The following SHISA7 variants were observed in gnomAD, a reference collection of about 807,000 sequenced individuals.
SHISA7 encodes the protein protein shisa-7.
In SHISA7, 6 loss-of-function variants were observed where a neutral mutation model predicts 23.9. The ratio of observed to expected loss-of-function variants is 0.25; its 90% confidence interval spans 0.14 to 0.50. The LOEUF (loss-of-function observed/expected upper bound fraction) is 0.50. SHISA7 is among the 20% of genes least tolerant of loss of function. The pLI is 0.98. For missense variants in SHISA7, 671 were observed against 801.1 expected (o/e 0.84, Z 1.96); for synonymous variants, 386 against 398.3 (o/e 0.97, Z 0.37).
chr19:55,442,352 C>G lies in SHISA7; in HGVS notation c.512G>C (p.Gly171Ala). 1 of 1,445,208 alleles carries G rather than the reference C, an allele frequency of 6.9e-7. No homozygotes were observed. Among genetic ancestry groups the G allele is most frequent in the South Asian group, 1.4e-5 (1 of 73,394 alleles). 89.5% of individuals were successfully genotyped at this position (1,445,208 alleles called of 1,614,324 possible). Residue 171 changes from glycine to alanine, a missense_variant, in exon 1 of 4, where the codon GGG (glycine) becomes GCG (alanine). Around this residue, in one of 5 missense-constraint regions of SHISA7, gnomAD observed 59 missense variants for 57.2 expected, o/e 1.03. Coordinates refer to ENST00000376325, the MANE Select transcript of SHISA7 (RefSeq NM_001145176.2). The part of the protein sequence containing the change: ...QAGWLEGGRT[G>A]GAGGRGGEGP... ...CTCGCCCCCGCGGCCCCCGGCACCC[C>G]CAGTCCGGCCCCCTTCCAACCACCC...
At chr19:55,435,081 G>GTA (rs1985398063) in intron 3 of SHISA7, among the ~76,000 whole-genome samples, 1 of 26,038 alleles carries the variant, frequency 3.8e-5, no homozygotes, top group East Asian at 0.013. Context: ...GGTGTGTGTG[G>GTA]TGTGTGTGGT....
chr19:55,433,831 TCCCCTGC>T lies in SHISA7; in HGVS notation c.977-42_977-36del. On this transcript the variant is annotated intron_variant, in intron 3 of 3. Transcript: ENST00000376325. This position sits in a 1 kb window ranked among gnomAD's most constrained non-coding sequence, Gnocchi z 8.4. ...GAGGGGGAAAAGCCACAGCCGTGGG[TCCCCTGC>T]GCATCTAGAGCCCTCCCCCTCCCAC... 7.3e-7 allele frequency: 1 copy of T among 1,365,910 alleles called. No homozygotes were observed. The highest frequency in any genetic ancestry group is 9.4e-7 in the Non-Finnish European group (1 of 1,066,922). 84.6% of individuals were successfully genotyped at this position (1,365,910 alleles called of 1,614,324 possible).
rs546514068 is a variant in SHISA7, at chr19:55,433,910, T to C, written c.977-114A>G. On this transcript the variant is annotated intron_variant, in intron 3 of 3. Transcript: ENST00000376325. This position sits in a 1 kb window ranked among gnomAD's most constrained non-coding sequence, Gnocchi z 8.4. ...GCTCCTTGTGCCCCCACAAGGATCC[T>C]GGGCATCAGGCTAGCTGTGAGGCCA... The C allele has an allele frequency of 3.3e-5, 41 of 1,225,480 alleles. No individual in the cohort carries two copies. In the East Asian group the frequency reaches 6.4e-4, roughly 19 times the overall value. 75.9% of individuals were successfully genotyped at this position (1,225,480 alleles called of 1,614,324 possible).
At chr19:55,440,538 T>C (rs1985573609) in intron 2 of SHISA7, 73 bp downstream of exon 2, 5 of 1,231,368 alleles carry the variant, frequency 4.1e-6, no homozygotes, top group Non-Finnish European at 5.1e-6. Flanking sequence ...GGAGCCGCCA[T>C]GGAGGGCGGG....
rs113651028 is a variant in SHISA7 at position 55,435,358 on chromosome 19, G to A, written c.977-1562C>T. On this transcript the variant is annotated intron_variant, in intron 3 of 3. Coordinates refer to ENST00000376325, the MANE Select transcript of SHISA7 (RefSeq NM_001145176.2). ...TGTGTGTGTATGGTGTGTATGGTGT[G>A]TGTGTGGTGTGTGTGTGGTGTATAT... Among the ~76,000 whole-genome samples the A allele has an allele frequency of 3.8e-3, 439 of 116,882 alleles. 3 individuals carry two copies. The highest frequency in any genetic ancestry group is 0.013 in the African/African-American group (397 of 30,958). The allele number at this position is 116,882 out of a possible 152,430, so 76.7% of individuals were successfully genotyped here. A position where few individuals can be genotyped will look rare whatever the true frequency, so the allele number is the denominator to read the frequency against.
In SHISA7 at chr19:55,432,456, C is replaced by T. The variant is rs1985230288; in HGVS notation, c.*700G>A. 1 of 152,542 alleles carries T rather than the reference C, an allele frequency of 6.6e-6. No individual in the cohort carries two copies. The highest frequency in any genetic ancestry group is 2.1e-4 in the South Asian group (1 of 4,822). 9.4% of individuals were successfully genotyped at this position (152,542 alleles called of 1,614,324 possible). A position where few individuals can be genotyped will look rare whatever the true frequency, so the allele number is the denominator to read the frequency against. ...AAGGCACCTTCTCTGGTGATGGCAT[C>T]ACAGGAAGGAGGCAGGGTCCCTGTG... On this transcript the variant is annotated 3_prime_UTR_variant, in exon 4 of 4. Transcript: ENST00000376325. The surrounding 1 kb of genome is among the most constrained non-coding windows in gnomAD (Gnocchi z 4.6).
In SHISA7 at chr19:55,443,192, T is replaced by C. The variant is rs1258220888; in HGVS notation, c.-329A>G. Among the ~76,000 whole-genome samples, 3 of 150,108 alleles carry C rather than the reference T, an allele frequency of 2.0e-5. No homozygotes were observed. Among genetic ancestry groups the C allele is most frequent in the Non-Finnish European group, 4.4e-5 (3 of 67,518 alleles). On this transcript the variant is annotated 5_prime_UTR_variant, in exon 1 of 4. Coordinates refer to ENST00000376325, the MANE Select transcript of SHISA7 (RefSeq NM_001145176.2). The stretch of plus-strand genomic sequence containing the variant: ...GACAGAACCGGGATCAGGCGAGAGA[T>C]GAATGCGGGAGAAGCGATTGGGAGG...
chr19:55,435,378 G>A (rs1195537771), intron 3 of SHISA7, among the ~76,000 whole-genome samples: 1 of 121,622 alleles, frequency 8.2e-6, no homozygotes. Flanking sequence ...TGTGTGTGGT[G>A]TATATGTGGT....
rs1985248419 is a variant in SHISA7 at position 55,433,085 on chromosome 19, G to C, written c.*71C>G. 4.1e-6 allele frequency: 6 copies of C among 1,451,574 alleles called. No individual in the cohort carries two copies. The highest frequency in any genetic ancestry group is 4.1e-5 in the South Asian group (3 of 73,146). The allele number at this position is 1,451,574 out of a possible 1,614,324, so 89.9% of individuals were successfully genotyped here. A position where few individuals can be genotyped will look rare whatever the true frequency, so the allele number is the denominator to read the frequency against. ...GGCCCCAGGCCCCTGGCATGTGTGC[G>C]CCTGTGTCGGGGGATCCAGGCTGGG... On this transcript the variant is annotated 3_prime_UTR_variant, in exon 4 of 4. Coordinates refer to ENST00000376325, the MANE Select transcript of SHISA7 (RefSeq NM_001145176.2). The surrounding 1 kb of genome is among the most constrained non-coding windows in gnomAD (Gnocchi z 8.4).
At position 55,428,944 on chromosome 19, in the gene SHISA7, C is replaced by G. The variant is rs922818354; in HGVS notation, c.*4212G>C. ...TGTGAAGTGCCCCCTCCCATGCTCCCCCAACCAGACGGGGAGATGCCTGTG... is the reference window on the plus strand; with the variant it reads ...TGTGAAGTGCCCCCTCCCATGCTCCGCCAACCAGACGGGGAGATGCCTGTG... On this transcript the variant is annotated 3_prime_UTR_variant, in exon 4 of 4. Transcript: ENST00000376325. The G allele has an allele frequency of 1.3e-5, 2 of 152,334 alleles. No individual in the cohort carries two copies. The highest frequency in any genetic ancestry group is 4.8e-5 in the African/African-American group (2 of 41,404). The allele number at this position is 152,334 out of a possible 1,614,324, so 9.4% of individuals were successfully genotyped here. A position where few individuals can be genotyped will look rare whatever the true frequency, so the allele number is the denominator to read the frequency against.
At chr19:55,434,681 T>G (rs1476030270) in intron 3 of SHISA7, among the ~76,000 whole-genome samples, 5 of 103,974 alleles carry the variant, frequency 4.8e-5, no homozygotes, top group South Asian at 3.3e-4. Flanking sequence ...TGGTGTGTGG[T>G]GTGTGTGTAT....
intron 1 of SHISA7, 104 bp from the exon 2 acceptor site, chr19:55,440,869 A>C: frequency 9.0e-7 from 1 of 1,116,728 alleles, no homozygotes; most frequent in Non-Finnish European, 1.1e-6. Flanking sequence ...GTAATCTGTC[A>C]CTCAGCCTGC....
rs139997672 is a variant in SHISA7, at chr19:55,430,914, C to T, written c.*2242G>A. ...GATGACACCAGGGTTATGGTGGATC[C>T]TAGTGGATGGTGACAGCACTGGACC... is the stretch of plus-strand genomic sequence containing the variant. On this transcript the variant is annotated 3_prime_UTR_variant, in exon 4 of 4. Transcript: ENST00000376325. 1.0e-3 allele frequency: 149 copies of T among 149,628 alleles called. No individual in the cohort carries two copies. The highest frequency in any genetic ancestry group is 3.5e-3 in the African/African-American group (140 of 40,276). 9.3% of individuals were successfully genotyped at this position (149,628 alleles called of 1,614,324 possible).
At position 55,433,721 on chromosome 19, in the gene SHISA7, G is replaced by T; in HGVS notation, c.1052C>A (p.Ala351Glu). The change falls in exon 4 of 4, where the codon GCG (alanine) becomes GAG (glutamate). Residue 351 changes from alanine (A) to glutamate (E), a missense_variant. Transcript: ENST00000376325. The surrounding 1 kb of genome is among the most constrained non-coding windows in gnomAD (Gnocchi z 8.4). ...ELPRGTLPLH[A>E]LRRPGTGGGY... ...GCCCCCCGTGCCCGGCCGCCGCAGC[G>T]CGTGCAGGGGCAGCGTGCCGCGGGG... The T allele has an allele frequency of 3.4e-6, 5 of 1,472,996 alleles. No individual in the cohort carries two copies. The highest frequency in any genetic ancestry group is 4.5e-6 in the Non-Finnish European group (5 of 1,120,188). The allele number at this position is 1,472,996 out of a possible 1,614,324, so 91.2% of individuals were successfully genotyped here.
At chr19:55,442,081 G>A (rs1005155459) in intron 1 of SHISA7, 112 bp downstream of exon 1, 15 of 1,120,306 alleles carry the variant, frequency 1.3e-5, no homozygotes, top group Non-Finnish European at 1.8e-5. Flanking sequence ...CCGCCACCTG[G>A]GTCTCTGACC....
chr19:55,438,549 C>A lies in SHISA7; in HGVS notation c.827-795G>T, dbSNP rs762130208. 4 of 1,304,252 alleles carry A rather than the reference C, an allele frequency of 3.1e-6. No individual in the cohort carries two copies. In the South Asian group the frequency reaches 4.9e-5, roughly 16 times the overall value. The allele number at this position is 1,304,252 out of a possible 1,614,324, so 80.8% of individuals were successfully genotyped here. On this transcript the variant is annotated intron_variant, in intron 2 of 3. Transcript: ENST00000376325. ...GGCCTGCTCTTTTCCGCAGCCGGGC[C>A]CTCTTCCGCACCCAGTGTGGCGGCG...
At position 55,443,242 on chromosome 19, in the gene SHISA7, C is replaced by T. The variant is rs1985637059; in HGVS notation, c.-379G>A. On this transcript the variant is annotated 5_prime_UTR_variant, in exon 1 of 4. Transcript: ENST00000376325. ...GGTCGACAGACACCAGAGGGGTGTG[C>T]AGACATTAGGACGAGGAGCGAGGCG... Among the ~76,000 whole-genome samples the T allele has an allele frequency of 6.7e-6, 1 of 148,932 alleles. No individual in the cohort carries two copies. The highest frequency in any genetic ancestry group is 6.8e-5 in the Admixed American group (1 of 14,780).
At chr19:55,434,001 C>T (rs73606260) in intron 3 of SHISA7, among the ~76,000 whole-genome samples, 5,962 of 151,516 alleles carry the variant, frequency 0.039, 390 homozygotes, top group African/African-American at 0.14. Context: ...TCCTCTTCTT[C>T]CCCCCCGCGC....
Position 55,433,850 on chromosome 19 carries a change from C to G in SHISA7, c.977-54G>C. On this transcript the variant is annotated intron_variant, in intron 3 of 3. Transcript: ENST00000376325. The surrounding 1 kb of genome is among the most constrained non-coding windows in gnomAD (Gnocchi z 8.4). ...CGTGGGTCCCCTGCGCATCTAGAGCCCTCCCCCTCCCACCTCGTCACATCC... is the reference window on the plus strand; with the variant it reads ...CGTGGGTCCCCTGCGCATCTAGAGCGCTCCCCCTCCCACCTCGTCACATCC... The G allele has an allele frequency of 7.4e-7, 1 of 1,350,310 alleles. No individual in the cohort carries two copies. Among genetic ancestry groups the G allele is most frequent in the South Asian group, 1.8e-5 (1 of 56,660 alleles). 83.6% of individuals were successfully genotyped at this position (1,350,310 alleles called of 1,614,324 possible).
Sources: allele counts gnomAD v4.1 joint callset (sites outside exome capture counted in the v4.1 genomes callset), GRCh38; gene constraint gnomAD v4.1.1; regional missense constraint gnomAD v4.1.1; non-coding constraint Gnocchi (gnomAD v3.1); transcripts MANE v1.5; gene names NCBI Gene and HGNC (gene_info 2026-07-23, HGNC 2026-07-21).